The following TTC7B variants were observed in gnomAD, a reference collection of about 807,000 sequenced individuals.
TTC7B encodes tetratricopeptide repeat domain 7B.
TTC7B carries 28 observed loss-of-function variants against 106.8 expected under a neutral mutation model. The ratio of observed to expected loss-of-function variants is 0.26; its 90% CI spans 0.19 to 0.36. The LOEUF is 0.36. Among genes scored for constraint, TTC7B ranks in the 10% least tolerant of loss-of-function variants. The pLI, the probability that TTC7B is intolerant of heterozygous loss-of-function variation, is 1.00. For missense variants in TTC7B, 862 were observed against 1,076.4 expected (o/e 0.80, Z 2.79); for synonymous variants, 405 against 430.6 (o/e 0.94, Z 0.74).
chr14:90,586,405 G>T (rs1326694531), intron 18 of TTC7B, among the ~76,000 whole-genome samples: 1 of 152,116 alleles, frequency 6.6e-6, no homozygotes, highest in Non-Finnish European at 1.5e-5. Flanking sequence ...CGAGTAGCTG[G>T]GATTACAGGT....
At chr14:90,720,441 G>C (rs566171109) in intron 5 of TTC7B, among the ~76,000 whole-genome samples, 2 of 152,298 alleles carry the variant, frequency 1.3e-5, no homozygotes, top group South Asian at 4.1e-4. Flanking sequence ...AAGAATGCCT[G>C]GCTCAGAGTG....
rs1889220457 is a variant in TTC7B, at chr14:90,529,087, G to T, written c.*12281C>A. ...CAATGGTGTGACCTGACTGCGCTTT[G>T]TTACCTGTTTCCGATGGTGTGACCT... On this transcript the variant is annotated 3_prime_UTR_variant, in exon 20 of 20. Coordinates refer to ENST00000328459, the MANE Select transcript of TTC7B (RefSeq NM_001010854.2). The T allele has an allele frequency of 6.5e-6, 1 of 154,786 alleles. No homozygotes were observed. Among genetic ancestry groups the T allele is most frequent in the African/African-American group, 2.4e-5 (1 of 41,332 alleles). The allele number at this position is 154,786 out of a possible 1,614,324, so 9.6% of individuals were successfully genotyped here. A position where few individuals can be genotyped will look rare whatever the true frequency, so the allele number is the denominator to read the frequency against.
intron 18 of TTC7B, among the ~76,000 whole-genome samples, chr14:90,583,216 A>C (rs988932914): frequency 6.6e-6 from 1 of 152,244 alleles, no homozygotes; most frequent in Non-Finnish European, 1.5e-5. Context: ...CCTCACATAG[A>C]AACAGTATGG....
chr14:90,786,705 G>A (rs928092183), intron 1 of TTC7B, among the ~76,000 whole-genome samples: 3 of 151,950 alleles, frequency 2.0e-5, no homozygotes, highest in Admixed American at 1.3e-4. Flanking sequence ...TCAGCTTCCC[G>A]AGTAGCTGGG....
At chr14:90,541,801 A>G (rs887281779) in intron 19 of TTC7B, among the ~76,000 whole-genome samples, 14 of 152,246 alleles carry the variant, frequency 9.2e-5, no homozygotes, top group Non-Finnish European at 1.9e-4. Context: ...GCCAATATTC[A>G]GCCATGTTTT....
intron 4 of TTC7B, among the ~76,000 whole-genome samples, chr14:90,744,353 G>A (rs2140001793): frequency 6.6e-6 from 1 of 151,860 alleles, no homozygotes; most frequent in South Asian, 2.1e-4. Flanking sequence ...TTGCTCAATG[G>A]CCCAGGCTAG....
In TTC7B at chr14:90,655,125, A is replaced by C. The variant is rs1409950191; in HGVS notation, c.1342-15T>G. ...GCCTCTTCCAACTGAAAAATGAGAC[A>C]AGTTAAAAACAACAACAACCTGCAG... On this transcript the variant is annotated splice_polypyrimidine_tract_variant and intron_variant, in intron 11 of 19. Coordinates refer to ENST00000328459, the MANE Select transcript of TTC7B (RefSeq NM_001010854.2). The C allele has an allele frequency of 1.3e-6, 2 of 1,594,646 alleles. No homozygotes were observed.
intron 19 of TTC7B, among the ~76,000 whole-genome samples, chr14:90,560,149 T>A (rs1009773175): frequency 6.6e-6 from 1 of 152,214 alleles, no homozygotes; most frequent in African/African-American, 2.4e-5. Context: ...CTTTCCCCCA[T>A]CACAGTTCAA....
chr14:90,652,327 T>C (rs1489940719), intron 13 of TTC7B, among the ~76,000 whole-genome samples: 2 of 151,936 alleles, frequency 1.3e-5, no homozygotes, highest in African/African-American at 4.8e-5. Context: ...TTCTCCTAAT[T>C]TCCTGAGAGG....
chr14:90,719,077 G>A (rs1888777674), intron 5 of TTC7B, among the ~76,000 whole-genome samples: 1 of 151,920 alleles, frequency 6.6e-6, no homozygotes. Flanking sequence ...CCTGGGCAAT[G>A]TGGTGAAACC....
At position 90,655,036 on chromosome 14, in the gene TTC7B, G is replaced by A; in HGVS notation, c.1416C>T (p.Gly472=). The A allele has an allele frequency of 6.2e-7, 1 of 1,614,234 alleles. No homozygotes were observed. The highest frequency in any genetic ancestry group is 8.5e-7 in the Non-Finnish European group (1 of 1,180,026). The change falls in exon 12 of 20, where the codon GGC becomes GGT. Residue 472 remains glycine (G), a synonymous_variant. Transcript: ENST00000328459. ...TGTACGTGAGCCCCAGAGCTAAGTA[G>A]CCTTTGGCCTTGAACTCTGACGTTT... ...GEKTSEFKAK[G]YLALGLTYSL... is the part of the protein sequence containing the mutation.
intron 16 of TTC7B, among the ~76,000 whole-genome samples, chr14:90,614,577 A>G (rs1440673420): frequency 6.6e-6 from 1 of 152,256 alleles, no homozygotes; most frequent in Non-Finnish European, 1.5e-5. Context: ...AGCTCAAGAG[A>G]GGCAGCATGC....
intron 18 of TTC7B, among the ~76,000 whole-genome samples, chr14:90,584,160 G>A (rs2099440660): frequency 6.6e-6 from 1 of 152,204 alleles, no homozygotes; most frequent in Non-Finnish European, 1.5e-5. Flanking sequence ...CGCACAGAGG[G>A]CTTCCTGGAA....
intron 1 of TTC7B, among the ~76,000 whole-genome samples, chr14:90,797,705 C>G (rs1258759399): frequency 6.6e-6 from 1 of 152,094 alleles, no homozygotes; most frequent in Non-Finnish European, 1.5e-5. Flanking sequence ...CCCAGAAATT[C>G]CAGTTTTAAG....
intron 1 of TTC7B, among the ~76,000 whole-genome samples, chr14:90,800,608 G>A (rs900341260): frequency 6.6e-6 from 1 of 151,380 alleles, no homozygotes; most frequent in African/African-American, 2.4e-5. Flanking sequence ...TCAGGAGATC[G>A]AGACCATCCT....
intron 3 of TTC7B, among the ~76,000 whole-genome samples, chr14:90,767,979 A>G (rs1182786024): frequency 9.9e-5 from 15 of 152,208 alleles, no homozygotes; most frequent in Admixed American, 9.8e-4. Flanking sequence ...CAAACTCCAA[A>G]TAAAAGGAAC....
At chr14:90,724,455 G>C (rs1375391948) in intron 5 of TTC7B, among the ~76,000 whole-genome samples, 2 of 152,108 alleles carry the variant, frequency 1.3e-5, no homozygotes, top group African/African-American at 2.4e-5. Context: ...GGGGTGACTG[G>C]ACCGTAGGGG....
intron 4 of TTC7B, among the ~76,000 whole-genome samples, chr14:90,739,873 T>C (rs777920659): frequency 1.3e-5 from 2 of 152,210 alleles, no homozygotes; most frequent in Admixed American, 6.5e-5. Flanking sequence ...GGTGAAGTCA[T>C]CTTTATTCCC....
At chr14:90,662,009 C>A (rs1185963955) in intron 9 of TTC7B, among the ~76,000 whole-genome samples, 2 of 152,224 alleles carry the variant, frequency 1.3e-5, no homozygotes, top group East Asian at 3.8e-4. Context: ...CCCCAGTCCT[C>A]ATCAGGAGTA....
Sources: gnomAD v4.1 joint callset for allele counts (sites outside exome capture counted in the v4.1 genomes callset) on GRCh38, gnomAD v4.1.1 for gene constraint, MANE v1.5 for transcripts, NCBI Gene and HGNC (gene_info 2026-07-23, HGNC 2026-07-21) for gene names.